EIF4G3: variants seen among roughly 807,000 people sequenced by gnomAD.
EIF4G3 encodes the protein eIF-4-gamma 3.
Under a neutral mutation model 186.4 loss-of-function variants are expected in EIF4G3, and 34 were observed. The ratio of observed to expected loss-of-function variants is 0.18; its 90% CI spans 0.14 to 0.24. The LOEUF (loss-of-function observed/expected upper bound fraction) is 0.24, where lower values mean the gene tolerates loss of function less well. Among genes scored for constraint, EIF4G3 ranks in the 10% least tolerant of loss-of-function variants. The probability of loss-of-function intolerance (pLI) is 1.00; values close to 1 mark genes in which losing one functional copy is unlikely to be tolerated. For missense variants in EIF4G3, 1,536 were observed against 1,948.5 expected (o/e 0.79, Z 3.99); for synonymous variants, 673 against 679.5 (o/e 0.99, Z 0.15).
At chr1:21,140,516 A>G (rs1172027420) in intron 2 of EIF4G3, among the ~76,000 whole-genome samples, 1 of 152,178 alleles carries the variant, frequency 6.6e-6, no homozygotes, top group East Asian at 1.9e-4. Flanking sequence ...GTTTCACCAT[A>G]TGCCCAGACT....
In EIF4G3 at chr1:20,941,731, G is replaced by C; in HGVS notation, c.1423C>G (p.Pro475Ala). 1 of 1,610,562 alleles carries C rather than the reference G, an allele frequency of 6.2e-7. No individual in the cohort carries two copies. The highest frequency in any genetic ancestry group is 8.5e-7 in the Non-Finnish European group (1 of 1,178,250). ...STVPSFPPTP[P>A]TPPASPPHTP... ...TGAGGAGGAGAAGCTGGAGGAGTTG[G>C]AGGAGTTGGAGGAAAGGAAGGAACT... The change falls in exon 14 of 37, where the codon CCA (proline) becomes GCA (alanine). Residue 475 changes from proline to alanine, a missense_variant. By Grantham distance (27) the Pro-to-Ala change is conservative (BLOSUM62 -1). Coordinates refer to ENST00000602326, the MANE Select transcript of EIF4G3 (RefSeq NM_001391906.1).
chr1:20,887,219 AT>A (rs11304302), intron 18 of EIF4G3, among the ~76,000 whole-genome samples: 48,002 of 148,170 alleles, frequency 0.32, 8,146 homozygotes, highest in Non-Finnish European at 0.39. Context: ...CTGCCACCAG[AT>A]TTTTTTTTTT....
chr1:21,116,552 T>C (rs1009500821), intron 2 of EIF4G3, among the ~76,000 whole-genome samples: 1 of 151,920 alleles, frequency 6.6e-6, no homozygotes, highest in Non-Finnish European at 1.5e-5. Context: ...AATATCAAAA[T>C]ACAGGCCAGG....
chr1:20,991,413 C>A (rs2081072079), intron 7 of EIF4G3, among the ~76,000 whole-genome samples: 1 of 151,970 alleles, frequency 6.6e-6, no homozygotes, highest in African/African-American at 2.4e-5. Flanking sequence ...ACAAAAAATA[C>A]AAAAGTTAGT....
chr1:20,911,602 C>G (rs942449124), intron 14 of EIF4G3, among the ~76,000 whole-genome samples: 1 of 143,896 alleles, frequency 6.9e-6, no homozygotes. Flanking sequence ...TGTAAAAGCG[C>G]TAACTACATA....
chr1:20,993,827 C>A (rs1402489470), intron 7 of EIF4G3, among the ~76,000 whole-genome samples: 8 of 152,140 alleles, frequency 5.3e-5, no homozygotes, highest in Non-Finnish European at 1.5e-5. Flanking sequence ...AGTGTCTTCC[C>A]TTTAAAAGTA....
chr1:20,932,855 G>A (rs1236506770), intron 14 of EIF4G3, among the ~76,000 whole-genome samples: 1 of 151,994 alleles, frequency 6.6e-6, no homozygotes, highest in East Asian at 1.9e-4. Context: ...GTTGGAAAAT[G>A]GCATTAACAG....
chr1:20,950,947 G>A (rs1453988345), intron 12 of EIF4G3, among the ~76,000 whole-genome samples: 4 of 152,194 alleles, frequency 2.6e-5, no homozygotes, highest in Admixed American at 6.5e-5. Flanking sequence ...CACAAGCCAC[G>A]AAACAAAGCA....
At chr1:21,051,711 T>C (rs1440715862) in intron 3 of EIF4G3, among the ~76,000 whole-genome samples, 1 of 152,228 alleles carries the variant, frequency 6.6e-6, no homozygotes, top group East Asian at 1.9e-4. Context: ...AATTTTTTTT[T>C]CATTAGCTAG....
At chr1:21,052,677 C>T (rs2094300348) in intron 3 of EIF4G3, among the ~76,000 whole-genome samples, 2 of 151,304 alleles carry the variant, frequency 1.3e-5, no homozygotes, top group African/African-American at 2.4e-5. Flanking sequence ...CTGCAACCTC[C>T]CTGCCTGATT....
intron 36 of EIF4G3, 93 bp from the exon 37 acceptor site, chr1:20,807,593 T>C: frequency 1.8e-6 from 2 of 1,125,910 alleles, no homozygotes; most frequent in Non-Finnish European, 2.4e-6. Flanking sequence ...TGAATAAATG[T>C]GCATTAATTC....
At chr1:21,022,077 C>T (rs2090858097) in intron 4 of EIF4G3, among the ~76,000 whole-genome samples, 1 of 152,176 alleles carries the variant, frequency 6.6e-6, no homozygotes, top group Admixed American at 6.5e-5. Flanking sequence ...AACGATGGCA[C>T]TAAGCACCGA....
chr1:21,150,307 G>A (rs1160049951), intron 2 of EIF4G3, among the ~76,000 whole-genome samples: 1 of 152,094 alleles, frequency 6.6e-6, no homozygotes, highest in Non-Finnish European at 1.5e-5. Flanking sequence ...AATGAAGCAA[G>A]CATCATAAAA....
chr1:20,881,317 G>A (rs1484407903), intron 19 of EIF4G3, among the ~76,000 whole-genome samples: 1 of 152,150 alleles, frequency 6.6e-6, no homozygotes, highest in Non-Finnish European at 1.5e-5. Flanking sequence ...CTTGCACCTT[G>A]TACAAAACTC....
At chr1:21,146,885 A>C (rs1462513381) in intron 2 of EIF4G3, among the ~76,000 whole-genome samples, 1 of 152,242 alleles carries the variant, frequency 6.6e-6, no homozygotes, top group Non-Finnish European at 1.5e-5. Context: ...AAATACTACT[A>C]GTATCAATGC....
chr1:20,824,834 C>A (rs761298484), intron 33 of EIF4G3, among the ~76,000 whole-genome samples: 1 of 152,148 alleles, frequency 6.6e-6, no homozygotes, highest in Non-Finnish European at 1.5e-5. Flanking sequence ...TGTCACCCTG[C>A]TTTATTTGTT....
chr1:20,903,538 T>C (rs1295379556), intron 15 of EIF4G3, among the ~76,000 whole-genome samples: 2 of 152,210 alleles, frequency 1.3e-5, no homozygotes, highest in Admixed American at 6.5e-5. Flanking sequence ...TTATTCTCTG[T>C]AGGAGGAACA....
intron 18 of EIF4G3, 97 bp downstream of exon 18, chr1:20,893,420 A>T: frequency 1.6e-6 from 2 of 1,281,256 alleles, no homozygotes; most frequent in Non-Finnish European, 2.1e-6. Flanking sequence ...TCTTGACTAG[A>T]ATCAACGAAT....
At position 20,810,930 on chromosome 1, in the gene EIF4G3, T is replaced by A; in HGVS notation, c.4598-46A>T. 1 of 1,547,826 alleles carries A rather than the reference T, an allele frequency of 6.5e-7. No individual in the cohort carries two copies. Among genetic ancestry groups the A allele is most frequent in the African/African-American group, 1.4e-5 (1 of 72,548 alleles). ...AGGAATTACATTTAAGGAGTTAACA[T>A]AGAATTATCTTTAATTTTCTTTCTT... On this transcript the variant is annotated intron_variant, in intron 35 of 36. Transcript: ENST00000602326. The surrounding 1 kb of genome is among the most constrained non-coding windows in gnomAD (Gnocchi z 4.1).
Sources: allele counts gnomAD v4.1 joint callset (sites outside exome capture counted in the v4.1 genomes callset), GRCh38; gene constraint gnomAD v4.1.1; non-coding constraint Gnocchi (gnomAD v3.1); transcripts MANE v1.5; gene names NCBI Gene and HGNC (gene_info 2026-07-23, HGNC 2026-07-21).